The following GSTA4 variants were observed in gnomAD, a reference collection of about 807,000 sequenced individuals.
GSTA4 encodes the protein glutathione S-transferase A4.
Under a neutral mutation model 24.4 loss-of-function variants are expected in GSTA4, and 15 were observed. The ratio of observed to expected loss-of-function variants is 0.61; its 90% CI spans 0.41 to 0.95. The LOEUF (loss-of-function observed/expected upper bound fraction) is 0.95. Ranked by LOEUF, GSTA4 falls within the 40% of genes least tolerant of loss-of-function variation. The probability of loss-of-function intolerance (pLI) is 0.00; values close to 1 mark genes in which losing one functional copy is unlikely to be tolerated. For missense variants in GSTA4, 244 were observed against 262.1 expected, an observed-to-expected ratio of 0.93 and a Z score of 0.48; for synonymous variants, 92 against 94.2, an observed-to-expected ratio of 0.98 and a Z score of 0.13.
At chr6:52,988,246 C>T (rs1311091871) in intron 2 of GSTA4, among the ~76,000 whole-genome samples, 1 of 150,926 alleles carries the variant, frequency 6.6e-6, no homozygotes, top group African/African-American at 2.4e-5. Context: ...ATTATAACAC[C>T]CAACAATAAA....
At position 52,988,647 on chromosome 6, in the gene GSTA4, A is replaced by G. The variant is rs189272839; in HGVS notation, c.88-1239T>C. Among the ~76,000 whole-genome samples the G allele has an allele frequency of 1.4e-4, 22 of 152,354 alleles. 1 individual carries two copies. In the South Asian group the frequency reaches 3.1e-3, roughly 22 times the overall value. ...ATGAAAAAAAAGTCAGGTCCTGTTGATGAAAATCAACTAGAGACTTAACAA... is the reference window on the plus strand; with the variant it reads ...ATGAAAAAAAAGTCAGGTCCTGTTGGTGAAAATCAACTAGAGACTTAACAA... On this transcript the variant is annotated intron_variant, in intron 2 of 6. Transcript: ENST00000370963.
intron 1 of GSTA4, 186 bp from the exon 2 acceptor site, chr6:52,994,447 T>G: frequency 1.8e-6 from 1 of 544,720 alleles, no homozygotes; most frequent in Non-Finnish European, 3.3e-6. Flanking sequence ...GAAAAAAACC[T>G]TGGCTTTTAT....
rs183943448 is a variant in GSTA4, at chr6:52,987,284, T to C, written c.139+73A>G. 681 of 890,916 alleles carry C rather than the reference T, an allele frequency of 7.6e-4. 4 individuals are homozygous for C. The African/African-American group carries it at 0.01, about 14-fold the overall frequency. The allele number at this position is 890,916 out of a possible 1,614,324, so 55.2% of individuals were successfully genotyped here. On this transcript the variant is annotated intron_variant, in intron 3 of 6. Coordinates refer to ENST00000370963, the MANE Select transcript of GSTA4 (RefSeq NM_001512.4). ...AATGTTCAGTGTCATTGAATACTTT[T>C]GCCCTTCCACATAAACAGCAGCTCT...
chr6:52,994,303 C>A, intron 1 of GSTA4, 42 bp from the exon 2 acceptor site: 1 of 1,085,242 alleles, frequency 9.2e-7, no homozygotes, highest in Admixed American at 1.7e-5. Context: ...CCAACAGTCC[C>A]AATTTCGCGT....
chr6:52,985,033 C>T (rs1196111625), intron 4 of GSTA4, among the ~76,000 whole-genome samples: 1 of 152,110 alleles, frequency 6.6e-6, no homozygotes, highest in African/African-American at 2.4e-5. Flanking sequence ...TATTCTTATA[C>T]CCACGTTGCC....
At position 52,987,377 on chromosome 6, in the gene GSTA4, T is replaced by G. The variant is rs771516652; in HGVS notation, c.119A>C (p.Gln40Pro). 1 of 1,589,780 alleles carries G rather than the reference T, an allele frequency of 6.3e-7. No individual in the cohort carries two copies. The highest frequency in any genetic ancestry group is 1.1e-5 in the South Asian group (1 of 89,852). ...FDEEFLETKE[Q>P]LYKLQDGNHL... is the part of the protein sequence containing the mutation. ...CTCACCATCCTGCAACTTGTACAAC[T>G]GTTCTTTTGTTTCCAGAAATTCTTC... The change falls in exon 3 of 7, where the codon CAG (glutamine) becomes CCG (proline). Residue 40 changes from glutamine (Q) to proline (P), a missense_variant. Transcript: ENST00000370963.
chr6:52,987,717 AG>A (rs1312802740), intron 2 of GSTA4: 1 of 241,026 alleles, frequency 4.1e-6, no homozygotes. Context: ...AATAAAATCT[AG>A]TGTTCGATAG....
chr6:52,991,086 A>G (rs1397418815), intron 2 of GSTA4, among the ~76,000 whole-genome samples: 1 of 152,248 alleles, frequency 6.6e-6, no homozygotes, highest in East Asian at 1.9e-4. Context: ...ATAACCCAAC[A>G]ACTCACATTT....
chr6:52,988,627 A>G (rs45602233), intron 2 of GSTA4, among the ~76,000 whole-genome samples: 11,614 of 152,248 alleles, frequency 0.076, 1,189 homozygotes, highest in African/African-American at 0.23. Context: ...AAGGCATGAA[A>G]AAAAAGTCAG....
At chr6:52,980,428 C>T (rs932334661) in intron 6 of GSTA4, among the ~76,000 whole-genome samples, 4 of 152,004 alleles carry the variant, frequency 2.6e-5, no homozygotes, top group African/African-American at 4.8e-5. Flanking sequence ...CCTCAGCCTC[C>T]GAGTAGCTGG....
At position 52,987,599 on chromosome 6, in the gene GSTA4, A is replaced by G. The variant is rs1466998044; in HGVS notation, c.88-191T>C. The G allele has an allele frequency of 1.2e-5, 6 of 511,012 alleles. No individual in the cohort carries two copies. In the East Asian group the frequency reaches 1.7e-4, roughly 15 times the overall value. 31.7% of individuals were successfully genotyped at this position (511,012 alleles called of 1,614,324 possible). On this transcript the variant is annotated intron_variant, in intron 2 of 6. Transcript: ENST00000370963. Reference sequence around the variant, plus strand: ...TGTGGGAGCTAAAAAAGTGGATCTCATGGAAATAGAAAGTTGATTGGTGCT... The same window carrying G: ...TGTGGGAGCTAAAAAAGTGGATCTCGTGGAAATAGAAAGTTGATTGGTGCT...
chr6:52,994,369 T>G, intron 1 of GSTA4, 108 bp from the exon 2 acceptor site: 1 of 562,256 alleles, frequency 1.8e-6, no homozygotes, highest in Non-Finnish European at 3.2e-6. Context: ...CACGGGAAAC[T>G]GTTCTTTATT....
At chr6:52,994,350 G>C (rs1022517638) in intron 1 of GSTA4, 89 bp from the exon 2 acceptor site, 14 of 626,136 alleles carry the variant, frequency 2.2e-5, no homozygotes, top group Non-Finnish European at 3.7e-5. Context: ...TGAATATTCA[G>C]GATTTTGGCA....
intron 5 of GSTA4, among the ~76,000 whole-genome samples, chr6:52,983,664 G>A (rs767183403): frequency 2.6e-5 from 4 of 152,146 alleles, no homozygotes; most frequent in East Asian, 1.9e-4. Flanking sequence ...ACACAGTCTG[G>A]GCCCTTGGGA....
chr6:52,989,503 A>G (rs1363362114), intron 2 of GSTA4, among the ~76,000 whole-genome samples: 1 of 152,236 alleles, frequency 6.6e-6, no homozygotes, highest in Non-Finnish European at 1.5e-5. Flanking sequence ...AAGCAAATGT[A>G]GCAAAATGTT....
chr6:52,981,233 A>G (rs997603914), intron 6 of GSTA4, among the ~76,000 whole-genome samples: 5 of 152,222 alleles, frequency 3.3e-5, no homozygotes, highest in Admixed American at 1.3e-4. Context: ...TCTCATTAGT[A>G]TATCAAAATA....
chr6:52,985,732 T>A, intron 3 of GSTA4, 149 bp from the exon 4 acceptor site: 1 of 841,322 alleles, frequency 1.2e-6, no homozygotes, highest in Non-Finnish European at 1.9e-6. Flanking sequence ...CTTAACTTCA[T>A]TCAGGAGAGC....
chr6:52,985,688 G>A lies in GSTA4; in HGVS notation c.140-105C>T, dbSNP rs555337684. 7 of 1,150,202 alleles carry A rather than the reference G, an allele frequency of 6.1e-6. No homozygotes were observed. In the East Asian group the frequency reaches 1.6e-4, roughly 27 times the overall value. The allele number at this position is 1,150,202 out of a possible 1,614,324, so 71.2% of individuals were successfully genotyped here. A position where few individuals can be genotyped will look rare whatever the true frequency, so the allele number is the denominator to read the frequency against. On this transcript the variant is annotated intron_variant, in intron 3 of 6. Coordinates refer to ENST00000370963, the MANE Select transcript of GSTA4 (RefSeq NM_001512.4). The stretch of plus-strand genomic sequence containing the variant: ...AAGAAACGGTGGAATCATGGCCTTA[G>A]GAAATAGTGTAAAGCTTCCAGATGA...
chr6:52,987,300 C>A, intron 3 of GSTA4, 57 bp downstream of exon 3: 1 of 1,079,844 alleles, frequency 9.3e-7, no homozygotes, highest in South Asian at 1.3e-5. Flanking sequence ...TCCACATAAA[C>A]AGCAGCTCTT....
Sources: gnomAD v4.1 joint callset for allele counts (sites outside exome capture counted in the v4.1 genomes callset) on GRCh38, gnomAD v4.1.1 for gene constraint, MANE v1.5 for transcripts, NCBI Gene and HGNC (gene_info 2026-07-23, HGNC 2026-07-21) for gene names.